The following CCSER1 variants were observed in gnomAD, a reference collection of about 807,000 sequenced individuals.
CCSER1 encodes the protein coiled-coil serine rich protein 1.
Under a neutral mutation model 82.0 loss-of-function variants are expected in CCSER1, and 41 were observed. The ratio of observed to expected loss-of-function variants is 0.50; its 90% CI spans 0.39 to 0.65. The LOEUF (loss-of-function observed/expected upper bound fraction) is 0.65, where lower values mean the gene tolerates loss of function less well. Among genes scored for constraint, CCSER1 ranks in the 30% least tolerant of loss-of-function variants. The pLI is 0.00. For synonymous variants in CCSER1, 414 were observed against 383.9 expected (o/e 1.08, Z -0.92); for missense variants, 1,119 against 1,064.2 (o/e 1.05, Z -0.72).
intron 6 of CCSER1, among the ~76,000 whole-genome samples, chr4:90,675,209 A>G (rs1236236653): frequency 2.0e-5 from 3 of 152,084 alleles, no homozygotes; most frequent in Admixed American, 2.0e-4. Flanking sequence ...GTGAAAGAGA[A>G]GATCTGTCAA....
At chr4:90,912,303 C>T (rs748389882) in intron 8 of CCSER1, among the ~76,000 whole-genome samples, 4 of 152,168 alleles carry the variant, frequency 2.6e-5, no homozygotes, top group Admixed American at 1.3e-4. Flanking sequence ...TTCAGAGGAA[C>T]GATCAGGCAG....
At chr4:90,948,501 A>G (rs1284062668) in intron 9 of CCSER1, among the ~76,000 whole-genome samples, 3 of 151,896 alleles carry the variant, frequency 2.0e-5, no homozygotes, top group Non-Finnish European at 1.5e-5. Flanking sequence ...ACAAAGATTT[A>G]TAAATACGAG....
intron 10 of CCSER1, among the ~76,000 whole-genome samples, chr4:91,407,692 T>C (rs1752783575): frequency 6.6e-6 from 1 of 151,962 alleles, no homozygotes; most frequent in Non-Finnish European, 1.5e-5. Context: ...TATACAGAGA[T>C]CACATGGTGA....
In CCSER1 at chr4:90,878,770, T is replaced by G. The variant is rs139862740; in HGVS notation, c.2095-44600T>G. 2.7e-4 allele frequency among the ~76,000 whole-genome samples: 41 copies of G among 152,340 alleles called. No homozygotes were observed. The East Asian group carries it at 7.1e-3, about 27-fold the overall frequency. The stretch of plus-strand genomic sequence containing the variant: ...ATCTCAACTATGCCACTGACTAGTT[T>G]TGTGACCTTAGATCAAATATTTATG... On this transcript the variant is annotated intron_variant, in intron 8 of 10. Transcript: ENST00000509176.
intron 7 of CCSER1, among the ~76,000 whole-genome samples, chr4:90,774,268 C>A (rs572017810): frequency 6.6e-6 from 1 of 152,160 alleles, no homozygotes; most frequent in African/African-American, 2.4e-5. Context: ...TTTATACTTT[C>A]TTCATTTACC....
At chr4:91,105,949 C>A (rs1035101876) in intron 10 of CCSER1, among the ~76,000 whole-genome samples, 1 of 152,014 alleles carries the variant, frequency 6.6e-6, no homozygotes, top group South Asian at 2.1e-4. Context: ...TTTTGTACAG[C>A]CTGCTGCTCC....
At chr4:90,820,574 C>A (rs763641356) in intron 8 of CCSER1, among the ~76,000 whole-genome samples, 2 of 152,076 alleles carry the variant, frequency 1.3e-5, no homozygotes, top group Non-Finnish European at 2.9e-5. Context: ...AAACATCTCT[C>A]CATAGGTGGC....
At chr4:90,298,107 T>G (rs1407390476) in intron 1 of CCSER1, among the ~76,000 whole-genome samples, 1 of 152,182 alleles carries the variant, frequency 6.6e-6, no homozygotes, top group African/African-American at 2.4e-5. Context: ...AATTCCACTG[T>G]GAATCCATCT....
intron 1 of CCSER1, among the ~76,000 whole-genome samples, chr4:90,295,609 G>A (rs1323093834): frequency 2.0e-5 from 3 of 151,900 alleles, no homozygotes; most frequent in Non-Finnish European, 1.5e-5. Context: ...GGAATTACTT[G>A]TTCTTATTCT....
At chr4:90,552,746 T>G (rs1777671286) in intron 5 of CCSER1, among the ~76,000 whole-genome samples, 1 of 152,190 alleles carries the variant, frequency 6.6e-6, no homozygotes, top group South Asian at 2.1e-4. Flanking sequence ...CATGAGCCAC[T>G]GCGCACAGCC....
At chr4:91,411,127 G>A (rs577987829) in intron 10 of CCSER1, among the ~76,000 whole-genome samples, 21 of 151,096 alleles carry the variant, frequency 1.4e-4, no homozygotes, top group African/African-American at 4.4e-4. Context: ...CTATCTTTTG[G>A]GACTCTTCTA....
intron 8 of CCSER1, among the ~76,000 whole-genome samples, chr4:90,866,119 G>T (rs1027696834): frequency 4.0e-5 from 6 of 151,708 alleles, no homozygotes; most frequent in Non-Finnish European, 7.4e-5. Flanking sequence ...TCTGAAATTG[G>T]GTATTACAAT....
intron 10 of CCSER1, among the ~76,000 whole-genome samples, chr4:91,593,467 C>CTTTTTTTTTTTTTTTTTTTTTTTTT (rs753973015): frequency 3.6e-5 from 2 of 55,020 alleles, no homozygotes; most frequent in Non-Finnish European, 6.6e-5. Context: ...CAACCCCGTG[C>CTTTTTTTTTTTTTTTTTTTTTTTTT]TTTTTTTTTT....
chr4:91,490,776 A>G (rs573630572), intron 10 of CCSER1, among the ~76,000 whole-genome samples: 52 of 145,912 alleles, frequency 3.6e-4, no homozygotes, highest in African/African-American at 1.2e-3. Context: ...TGTTTGCAAC[A>G]TGAAGAAATG....
intron 1 of CCSER1, among the ~76,000 whole-genome samples, chr4:90,160,866 G>T (rs116744972): frequency 2.0e-3 from 298 of 152,240 alleles, no homozygotes; most frequent in African/African-American, 7.0e-3. Flanking sequence ...AAATCTCATG[G>T]ATAATCTCAG....
chr4:90,338,701 G>A (rs1561054988), intron 3 of CCSER1, among the ~76,000 whole-genome samples: 2 of 151,216 alleles, frequency 1.3e-5, no homozygotes, highest in Non-Finnish European at 2.9e-5. Flanking sequence ...TTAATCAGAC[G>A]TACTCGCCTT....
chr4:90,500,725 C>G (rs1323071275), intron 5 of CCSER1, among the ~76,000 whole-genome samples: 1 of 147,586 alleles, frequency 6.8e-6, no homozygotes, highest in East Asian at 1.9e-4. Context: ...AACAAACAAG[C>G]AAGAAAACAA....
chr4:91,033,221 T>C (rs1162865581), intron 9 of CCSER1, among the ~76,000 whole-genome samples: 1 of 152,048 alleles, frequency 6.6e-6, no homozygotes, highest in Non-Finnish European at 1.5e-5. Context: ...TACAGAAATA[T>C]GGACAGAGTT....
intron 10 of CCSER1, among the ~76,000 whole-genome samples, chr4:91,508,735 A>C (rs1392779403): frequency 6.6e-6 from 1 of 151,620 alleles, no homozygotes; most frequent in Non-Finnish European, 1.5e-5. Context: ...TTTTCATGGG[A>C]GTTTTTACTA....
Sources: allele counts gnomAD v4.1 joint callset (sites outside exome capture counted in the v4.1 genomes callset), GRCh38; gene constraint gnomAD v4.1.1; transcripts MANE v1.5; gene names NCBI Gene and HGNC (gene_info 2026-07-23, HGNC 2026-07-21).